PUM2: variants seen among roughly 807,000 people sequenced by gnomAD.
PUM2 encodes pumilio RNA binding family member 2.
In PUM2, 57 loss-of-function variants were observed where a neutral mutation model predicts 124.5. The observed-to-expected ratio is 0.46, with a 90% CI of 0.37 to 0.57. The LOEUF is 0.57. Ranked by LOEUF, PUM2 falls within the 20% of genes least tolerant of loss-of-function variation. PUM2 has a pLI of 0.00. For missense variants in PUM2, 1,065 were observed against 1,290.6 expected, an observed-to-expected ratio of 0.83 and a Z score of 2.68; for synonymous variants, 460 against 446.1, an observed-to-expected ratio of 1.03 and a Z score of -0.39.
At position 20,251,516 on chromosome 2, in the gene PUM2, T is replaced by C; in HGVS notation, c.*69A>G. The C allele has an allele frequency of 6.7e-7, 1 of 1,502,002 alleles. No homozygotes were observed. The highest frequency in any genetic ancestry group is 9.0e-7 in the Non-Finnish European group (1 of 1,109,270). The allele number at this position is 1,502,002 out of a possible 1,614,324, so 93.0% of individuals were successfully genotyped here. A position where few individuals can be genotyped will look rare whatever the true frequency, so the allele number is the denominator to read the frequency against. ...TGAAGATTCATAGTTGAGTTGTGTT[T>C]TGATAATTCACACACAAAAAAATTC... On this transcript the variant is annotated 3_prime_UTR_variant, in exon 21 of 21. Transcript: ENST00000361078.
chr2:20,319,848 G>A (rs1681878717), intron 2 of PUM2, among the ~76,000 whole-genome samples: 1 of 152,306 alleles, frequency 6.6e-6, no homozygotes, highest in African/African-American at 2.4e-5. Flanking sequence ...ATAGAGAAGA[G>A]TTAGCAAGGG....
chr2:20,268,641 A>AATATATATATAT lies in PUM2; in HGVS notation c.1958-5193_1958-5182dup, dbSNP rs72044779. 4.7e-4 allele frequency among the ~76,000 whole-genome samples: 70 copies of AATATATATATAT among 150,352 alleles called. 1 individual carries two copies. Among genetic ancestry groups the AATATATATATAT allele is most frequent in the African/African-American group, 1.7e-3 (70 of 41,052 alleles). On this transcript the variant is annotated intron_variant, in intron 13 of 20. Coordinates refer to ENST00000361078, the MANE Select transcript of PUM2 (RefSeq NM_015317.5). ...TAAACAAACAAAACAAAACAAACAA[A>AATATATATATAT]ATATATATATATATATGTATGTCAG...
chr2:20,276,713 G>C (rs1670351488), intron 13 of PUM2, among the ~76,000 whole-genome samples: 1 of 151,920 alleles, frequency 6.6e-6, no homozygotes, highest in South Asian at 2.1e-4. Flanking sequence ...AATCCTTCAA[G>C]TTATTTTCAG....
At position 20,254,930 on chromosome 2, in the gene PUM2, C is replaced by T. The variant is rs1664402342; in HGVS notation, c.2803G>A (p.Asp935Asn). ...ATTTCGGAAACAATTTTGCTCTTGT[C>T]TTCAGGTCGACCGTGTTCCAGTACA... ...QHVLEHGRPEDKSKIVSEIRG... is the reference protein window; with the variant it reads ...QHVLEHGRPENKSKIVSEIRG... The change falls in exon 19 of 21, where the codon GAC becomes AAC. Residue 935 changes from aspartate to asparagine, a missense_variant. Physicochemically the swap from Asp to Asn is conservative, Grantham distance 23 (BLOSUM62 1). Around this residue, in one of 3 missense-constraint regions of PUM2, gnomAD observed 968 missense variants for 1,159.8 expected, o/e 0.83. Transcript: ENST00000361078. The T allele has an allele frequency of 3.1e-6, 5 of 1,613,936 alleles. No homozygotes were observed. Among genetic ancestry groups the T allele is most frequent in the Non-Finnish European group, 4.2e-6 (5 of 1,179,846 alleles).
At position 20,249,333 on chromosome 2, in the gene PUM2, AT is replaced by A. The variant is rs1662741657; in HGVS notation, c.*2251del. ...GAACAAAAGTTCGATACGGGCCGAA[AT>A]ACTCTGAGGTTGGTAAAGTAGGAAA... On this transcript the variant is annotated 3_prime_UTR_variant, in exon 21 of 21. Transcript: ENST00000361078. The A allele has an allele frequency of 1.3e-5, 2 of 152,518 alleles. No individual in the cohort carries two copies. The allele number at this position is 152,518 out of a possible 1,614,324, so 9.4% of individuals were successfully genotyped here.
intron 2 of PUM2, 49 bp downstream of exon 2, chr2:20,327,261 G>T: frequency 7.8e-7 from 1 of 1,284,180 alleles, no homozygotes; most frequent in Non-Finnish European, 1.1e-6. Context: ...AAGTTACAAT[G>T]GCTCAAAATA....
intron 1 of PUM2, among the ~76,000 whole-genome samples, chr2:20,329,061 C>G (rs1056172312): frequency 2.6e-5 from 4 of 151,590 alleles, no homozygotes; most frequent in Non-Finnish European, 5.9e-5. Flanking sequence ...GTCCCAGCAA[C>G]TCAGGAGGCT....
intron 1 of PUM2, 110 bp downstream of exon 1, chr2:20,350,487 C>A: frequency 2.0e-6 from 2 of 985,550 alleles, no homozygotes; most frequent in Non-Finnish European, 2.4e-6. Flanking sequence ...CAGGCCCTAT[C>A]CGCCCTCCCG....
chr2:20,301,737 A>T (rs1677030165), intron 7 of PUM2, among the ~76,000 whole-genome samples: 1 of 152,232 alleles, frequency 6.6e-6, no homozygotes, highest in South Asian at 2.1e-4. Flanking sequence ...ACAGGTACGC[A>T]CTACCATACC....
chr2:20,339,187 T>A (rs2149043746), intron 1 of PUM2, among the ~76,000 whole-genome samples: 1 of 152,320 alleles, frequency 6.6e-6, no homozygotes, highest in East Asian at 1.9e-4. Context: ...TATACTTACA[T>A]GCAGAATATG....
chr2:20,269,439 G>C (rs1241993825), intron 13 of PUM2, among the ~76,000 whole-genome samples: 2 of 152,056 alleles, frequency 1.3e-5, no homozygotes, highest in Admixed American at 1.3e-4. Context: ...CTGACCTCGT[G>C]ATCCACCTGC....
At chr2:20,302,670 T>C (rs552085407) in intron 7 of PUM2, among the ~76,000 whole-genome samples, 41 of 152,328 alleles carry the variant, frequency 2.7e-4, no homozygotes, top group African/African-American at 9.4e-4. Flanking sequence ...ATTTTAATTG[T>C]CATAGTAATT....
intron 9 of PUM2, among the ~76,000 whole-genome samples, chr2:20,292,162 C>G (rs1307437581): frequency 6.6e-6 from 1 of 151,488 alleles, no homozygotes; most frequent in African/African-American, 2.4e-5. Context: ...GGCGCCACTG[C>G]CCTGCAACTT....
intron 1 of PUM2, among the ~76,000 whole-genome samples, chr2:20,337,444 G>A (rs1686358215): frequency 6.6e-6 from 1 of 152,170 alleles, no homozygotes; most frequent in South Asian, 2.1e-4. Context: ...GTTGAACAAG[G>A]ACGGTAGCTA....
chr2:20,255,415 GTTTT>G, intron 17 of PUM2, 74 bp from the exon 18 acceptor site: 12 of 1,151,414 alleles, frequency 1.0e-5, no homozygotes, highest in South Asian at 1.6e-5. Context: ...AGACTGGTTT[GTTTT>G]TTTTTTTTTT....
intron 13 of PUM2, among the ~76,000 whole-genome samples, chr2:20,275,480 G>C (rs537558434): frequency 5.8e-4 from 88 of 152,162 alleles, no homozygotes; most frequent in African/African-American, 1.9e-3. Flanking sequence ...AAAAGTTCCA[G>C]ATAATAAATG....
intron 9 of PUM2, among the ~76,000 whole-genome samples, chr2:20,293,691 G>C (rs1674784554): frequency 6.6e-6 from 1 of 152,066 alleles, no homozygotes; most frequent in Non-Finnish European, 1.5e-5. Flanking sequence ...CTAGGTGACA[G>C]AGTAAGACTG....
At chr2:20,265,244 C>T (rs1348779594) in intron 13 of PUM2, among the ~76,000 whole-genome samples, 1 of 146,628 alleles carries the variant, frequency 6.8e-6, no homozygotes, top group Admixed American at 6.8e-5. Flanking sequence ...AGAGCGAAAC[C>T]GTCACAAAAA....
intron 12 of PUM2, among the ~76,000 whole-genome samples, chr2:20,279,528 T>C (rs984787387): frequency 6.6e-6 from 1 of 152,216 alleles, no homozygotes; most frequent in Admixed American, 6.5e-5. Flanking sequence ...CCTAAGATGC[T>C]AGTACTACTG....
Sources: allele counts gnomAD v4.1 joint callset (sites outside exome capture counted in the v4.1 genomes callset), GRCh38; gene constraint gnomAD v4.1.1; regional missense constraint gnomAD v4.1.1; transcripts MANE v1.5; gene names NCBI Gene and HGNC (gene_info 2026-07-23, HGNC 2026-07-21).